Variants in NRG1 observed in about 807,000 individuals in gnomAD.
NRG1 encodes the protein neuregulin 1.
In NRG1, 18 loss-of-function variants were observed where a neutral mutation model predicts 63.8. The ratio of observed to expected loss-of-function variants is 0.28; its 90% CI spans 0.19 to 0.42. The LOEUF (loss-of-function observed/expected upper bound fraction) is 0.42. Among genes scored for constraint, NRG1 ranks in the 10% least tolerant of loss-of-function variants. NRG1 has a pLI of 1.00. For missense variants in NRG1, 762 were observed against 814.7 expected (o/e 0.94, Z 0.79); for synonymous variants, 302 against 301.3 (o/e 1.00, Z -0.02).
At chr8:32,412,032 G>A (rs1428159317) in intron 1 of NRG1, among the ~76,000 whole-genome samples, 1 of 152,088 alleles carries the variant, frequency 6.6e-6, no homozygotes, top group Admixed American at 6.5e-5. Flanking sequence ...ATGAACATTT[G>A]AACTGGTAGA....
intron 1 of NRG1, among the ~76,000 whole-genome samples, chr8:31,763,735 G>A (rs926321155): frequency 5.9e-5 from 9 of 152,202 alleles, no homozygotes; most frequent in African/African-American, 2.2e-4. Context: ...CAGATCACGA[G>A]GTCAGGAGAT....
At chr8:32,603,471 A>C (rs1417710372) in intron 2 of NRG1, among the ~76,000 whole-genome samples, 1 of 151,952 alleles carries the variant, frequency 6.6e-6, no homozygotes, top group Non-Finnish European at 1.5e-5. Flanking sequence ...CGACTAGCGC[A>C]GTTAACTTTT....
chr8:32,236,048 T>C (rs1303110166), intron 1 of NRG1, among the ~76,000 whole-genome samples: 1 of 152,176 alleles, frequency 6.6e-6, no homozygotes, highest in African/African-American at 2.4e-5. Context: ...GTATAATGTT[T>C]TTTGAGCTAA....
In NRG1 at chr8:32,164,781, A is replaced by G. The variant is rs534863828; in HGVS notation, c.38-431047A>G. Among the ~76,000 whole-genome samples, 6 of 152,300 alleles carry G rather than the reference A, an allele frequency of 3.9e-5. No homozygotes were observed. In the South Asian group the frequency reaches 1.2e-3, roughly 32 times the overall value. On this transcript the variant is annotated intron_variant, in intron 1 of 10. Coordinates refer to the NRG1 transcript ENST00000519301. ...TATGAATATCAACCAGCATTGATCC[A>G]ATTTTAGGCCCTTAGTTCCAATAAA... is the stretch of plus-strand genomic sequence containing the variant.
At chr8:31,893,222 GAT>G (rs1831290395) in intron 1 of NRG1, among the ~76,000 whole-genome samples, 1 of 150,636 alleles carries the variant, frequency 6.6e-6, no homozygotes. Context: ...TTAAATAAAA[GAT>G]ACTGGAGCAA....
At chr8:32,758,598 AAAAAGG>A (rs1320343854) in intron 9 of NRG1, among the ~76,000 whole-genome samples, 6 of 149,788 alleles carry the variant, frequency 4.0e-5, no homozygotes, top group Admixed American at 1.3e-4. Context: ...AAAAAAAAAA[AAAAAGG>A]AGAAGAAAAG....
At chr8:31,940,377 A>C (rs1801574049) in intron 1 of NRG1, among the ~76,000 whole-genome samples, 2 of 152,164 alleles carry the variant, frequency 1.3e-5, no homozygotes, top group African/African-American at 4.8e-5. Flanking sequence ...CAGCCTATCA[A>C]AACCACTGAG....
intron 1 of NRG1, among the ~76,000 whole-genome samples, chr8:31,961,609 T>C (rs1805464519): frequency 6.6e-6 from 1 of 152,178 alleles, no homozygotes; most frequent in Non-Finnish European, 1.5e-5. Flanking sequence ...ATACTGATCT[T>C]GTATTTTTAA....
chr8:32,770,307 G>A (rs1312823393), downstream of NRG1, among the ~76,000 whole-genome samples: 1 of 152,156 alleles, frequency 6.6e-6, no homozygotes, highest in African/African-American at 2.4e-5. Context: ...TATGGTAAGT[G>A]ATGAGGAAAA....
intron 1 of NRG1, among the ~76,000 whole-genome samples, chr8:32,265,585 A>G (rs1228072453): frequency 6.6e-6 from 1 of 152,168 alleles, no homozygotes; most frequent in Non-Finnish European, 1.5e-5. Flanking sequence ...GCTCACACCT[A>G]TAATCCTTGC....
At chr8:32,015,681 G>A (rs1815409341) in intron 1 of NRG1, among the ~76,000 whole-genome samples, 1 of 152,000 alleles carries the variant, frequency 6.6e-6, no homozygotes, top group African/African-American at 2.4e-5. Flanking sequence ...AGCTACATAA[G>A]CATCACAAAA....
intron 1 of NRG1, among the ~76,000 whole-genome samples, chr8:32,407,330 T>G (rs1814219333): frequency 8.9e-6 from 1 of 111,916 alleles, no homozygotes; most frequent in South Asian, 2.7e-4. Flanking sequence ...TATATATATA[T>G]ATGGCCAACC....
chr8:32,059,562 G>A (rs1309373758), intron 1 of NRG1, among the ~76,000 whole-genome samples: 3 of 151,946 alleles, frequency 2.0e-5, no homozygotes, highest in Non-Finnish European at 4.4e-5. Context: ...TTTGGCCGAC[G>A]ATAGAATTCT....
At chr8:32,754,022 CA>C (rs139167058) in intron 7 of NRG1, among the ~76,000 whole-genome samples, 5,508 of 149,168 alleles carry the variant, frequency 0.037, 437 homozygotes, top group East Asian at 0.36. Context: ...CAAGAGACTA[CA>C]AAAAAAAATA....
At chr8:32,141,389 T>G (rs1032265809) in intron 1 of NRG1, among the ~76,000 whole-genome samples, 1 of 151,874 alleles carries the variant, frequency 6.6e-6, no homozygotes, top group Non-Finnish European at 1.5e-5. Flanking sequence ...AATAAAGAAC[T>G]GCTAATACCT....
Position 32,760,599 on chromosome 8 carries a change from C to A in NRG1, c.1259+193C>A, listed in dbSNP as rs985975935. 7.9e-6 allele frequency: 11 copies of A among 1,389,968 alleles called. No individual in the cohort carries two copies. The Admixed American group carries it at 1.2e-4, about 15-fold the overall frequency. The allele number at this position is 1,389,968 out of a possible 1,614,324, so 86.1% of individuals were successfully genotyped here. On this transcript the variant is annotated intron_variant, in intron 11 of 11. Transcript: ENST00000356819. Reference sequence around the variant, plus strand: ...CTTATTTCTTCTGAGCTTCTCTCGTCGTCCCAGTGACTGACAGGCAACAGA... The same window carrying A: ...CTTATTTCTTCTGAGCTTCTCTCGTAGTCCCAGTGACTGACAGGCAACAGA...
chr8:32,194,482 C>T (rs1025167310), intron 1 of NRG1, among the ~76,000 whole-genome samples: 7 of 152,078 alleles, frequency 4.6e-5, no homozygotes, highest in African/African-American at 1.4e-4. Context: ...TGCATTTACA[C>T]ATCATCCAAT....
intron 1 of NRG1, among the ~76,000 whole-genome samples, chr8:32,472,504 T>A (rs893231459): frequency 6.6e-6 from 1 of 152,238 alleles, no homozygotes; most frequent in Non-Finnish European, 1.5e-5. Context: ...CTGATATTAA[T>A]CCCTAATGAA....
At chr8:31,946,018 G>A (rs7002063) in intron 1 of NRG1, among the ~76,000 whole-genome samples, 90,749 of 152,090 alleles carry the variant, frequency 0.6, 32,640 homozygotes, top group Non-Finnish European at 0.81. Flanking sequence ...CAACTCGATC[G>A]CCATTGTTTT....
Sources: allele counts gnomAD v4.1 joint callset (sites outside exome capture counted in the v4.1 genomes callset), GRCh38; gene constraint gnomAD v4.1.1; transcripts MANE v1.5; gene names NCBI Gene and HGNC (gene_info 2026-07-23, HGNC 2026-07-21).